The following TRAPPC9 variants were observed in gnomAD, a reference collection of about 807,000 sequenced individuals.
TRAPPC9 encodes the protein trafficking protein particle complex subunit 9, also known as IKK2 binding protein.
A neutral mutation model predicts 124.0 loss-of-function variants in TRAPPC9; 83 were observed. That is an observed-to-expected ratio of 0.67 (90% CI 0.56 to 0.80). The LOEUF is 0.80. Among genes scored for constraint, TRAPPC9 ranks in the 30% least tolerant of loss-of-function variants. The pLI is 0.00. For missense variants in TRAPPC9, 1,302 were observed against 1,508.3 expected (o/e 0.86, Z 2.27); for synonymous variants, 638 against 617.5 (o/e 1.03, Z -0.49).
In TRAPPC9 at chr8:140,418,770, A is replaced by G. The variant is rs566335855; in HGVS notation, c.886+7845T>C. Among the ~76,000 whole-genome samples the G allele has an allele frequency of 2.0e-3, 297 of 150,046 alleles. 1 individual carries two copies. The highest frequency in any genetic ancestry group is 6.4e-3 in the African/African-American group (262 of 40,644). On this transcript the variant is annotated intron_variant, in intron 5 of 22. Coordinates refer to ENST00000438773, the MANE Select transcript of TRAPPC9 (RefSeq NM_001160372.4). ...GATAGATAGATAGATAGATAGATAG[A>G]TAGACAGACAGACAGACAGATGCAA...
intron 17 of TRAPPC9, among the ~76,000 whole-genome samples, chr8:140,034,124 T>C (rs772347943): frequency 6.6e-6 from 1 of 152,224 alleles, no homozygotes; most frequent in Non-Finnish European, 1.5e-5. Flanking sequence ...AGAATTAATT[T>C]TTGGCTTTGT....
At chr8:139,930,354 G>A (rs916881839) in intron 19 of TRAPPC9, among the ~76,000 whole-genome samples, 2 of 152,228 alleles carry the variant, frequency 1.3e-5, no homozygotes, top group African/African-American at 4.8e-5. Context: ...GGCAAGGCCA[G>A]CGCGCTCACA....
intron 17 of TRAPPC9, among the ~76,000 whole-genome samples, chr8:140,220,162 A>C (rs2063302603): frequency 6.6e-6 from 1 of 152,236 alleles, no homozygotes; most frequent in Non-Finnish European, 1.5e-5. Context: ...AACAAGAAGA[A>C]CAGCAACACG....
At chr8:139,914,605 C>T (rs1329381234) in intron 19 of TRAPPC9, among the ~76,000 whole-genome samples, 1 of 152,172 alleles carries the variant, frequency 6.6e-6, no homozygotes, top group African/African-American at 2.4e-5. Flanking sequence ...TCAGTGCCAC[C>T]CGCACCTAAC....
chr8:140,341,574 T>C (rs1196340391), intron 9 of TRAPPC9, among the ~76,000 whole-genome samples: 2 of 152,140 alleles, frequency 1.3e-5, no homozygotes, highest in African/African-American at 2.4e-5. Context: ...CAAAGGCTGT[T>C]CTCCTCAGTT....
At chr8:140,115,099 T>C (rs568979978) in intron 17 of TRAPPC9, among the ~76,000 whole-genome samples, 8 of 152,224 alleles carry the variant, frequency 5.3e-5, no homozygotes, top group African/African-American at 1.4e-4. Context: ...CCATGGGGAA[T>C]TGGCTCCAGG....
At chr8:140,221,344 C>G in intron 17 of TRAPPC9, 115 bp downstream of exon 17, 1 of 1,467,278 alleles carries the variant, frequency 6.8e-7, no homozygotes, top group South Asian at 1.1e-5. Context: ...AAGAATCCAG[C>G]TTTCAAATAC....
intron 16 of TRAPPC9, among the ~76,000 whole-genome samples, chr8:140,234,152 C>T (rs1022643125): frequency 2.0e-5 from 3 of 152,202 alleles, no homozygotes; most frequent in African/African-American, 7.2e-5. Flanking sequence ...TCAGCAGAGG[C>T]ATTAGATTCT....
At chr8:140,249,543 G>A (rs1050416032) in intron 16 of TRAPPC9, among the ~76,000 whole-genome samples, 32 of 143,894 alleles carry the variant, frequency 2.2e-4, no homozygotes, top group Non-Finnish European at 4.8e-4. Context: ...CATTCACACT[G>A]TATTTTTTTT....
At chr8:140,358,715 C>T (rs1046103576) in intron 9 of TRAPPC9, among the ~76,000 whole-genome samples, 1 of 152,144 alleles carries the variant, frequency 6.6e-6, no homozygotes, top group Non-Finnish European at 1.5e-5. Flanking sequence ...GGAGTGGGGT[C>T]GCCACCTGGA....
rs539205025 is a variant in TRAPPC9 at position 140,024,222 on chromosome 8, C to A, written c.2557-143G>T. On this transcript the variant is annotated intron_variant, in intron 17 of 22. Coordinates refer to ENST00000438773, the MANE Select transcript of TRAPPC9 (RefSeq NM_001160372.4). The stretch of plus-strand genomic sequence containing the variant: ...GTCATCAGCATTGGCCGACTCACAA[C>A]CCCGGCGGGTACCGACTCACACCCC... 58 of 1,082,236 alleles carry A rather than the reference C, an allele frequency of 5.4e-5. No homozygotes were observed. In the African/African-American group the frequency reaches 7.6e-4, roughly 14 times the overall value. The allele number at this position is 1,082,236 out of a possible 1,614,324, so 67.0% of individuals were successfully genotyped here. A position where few individuals can be genotyped will look rare whatever the true frequency, so the allele number is the denominator to read the frequency against.
chr8:139,760,366 G>T (rs1466598219), intron 21 of TRAPPC9, among the ~76,000 whole-genome samples: 1 of 152,116 alleles, frequency 6.6e-6, no homozygotes, highest in Non-Finnish European at 1.5e-5. Context: ...GCCAAGATGC[G>T]CTCTGCTTGG....
At chr8:139,772,682 C>G (rs1460101493) in intron 21 of TRAPPC9, among the ~76,000 whole-genome samples, 3 of 152,238 alleles carry the variant, frequency 2.0e-5, no homozygotes, top group African/African-American at 7.2e-5. Context: ...TAAATGTCTA[C>G]TAACATATAC....
chr8:140,273,657 A>G (rs1440729018), intron 15 of TRAPPC9, among the ~76,000 whole-genome samples: 3 of 152,136 alleles, frequency 2.0e-5, no homozygotes, highest in African/African-American at 7.2e-5. Flanking sequence ...GCATCTGCCC[A>G]GGCCCCTCTG....
At chr8:140,408,241 T>A (rs1442831297) in intron 5 of TRAPPC9, among the ~76,000 whole-genome samples, 1 of 151,490 alleles carries the variant, frequency 6.6e-6, no homozygotes, top group Non-Finnish European at 1.5e-5. Flanking sequence ...AAGACCCAGA[T>A]GGGAGGAGAG....
At chr8:140,221,680 C>A (rs2063342133) in intron 16 of TRAPPC9, 97 bp from the exon 17 acceptor site, 6 of 1,472,156 alleles carry the variant, frequency 4.1e-6, no homozygotes, top group Non-Finnish European at 4.6e-6. Flanking sequence ...CTCTGTCGCA[C>A]AAGCTGGAGT....
chr8:140,373,357 A>C (rs555447990), intron 7 of TRAPPC9, among the ~76,000 whole-genome samples: 10 of 152,370 alleles, frequency 6.6e-5, no homozygotes, highest in African/African-American at 2.2e-4. Context: ...GCCGGGGCAC[A>C]CAGGCTCTCT....
At chr8:139,827,638 A>G (rs1294410362) in intron 21 of TRAPPC9, among the ~76,000 whole-genome samples, 3 of 152,216 alleles carry the variant, frequency 2.0e-5, no homozygotes. Flanking sequence ...CACGTGACTG[A>G]TAAGTGAATG....
chr8:140,402,453 G>C (rs1588288707), intron 6 of TRAPPC9, among the ~76,000 whole-genome samples: 1 of 148,992 alleles, frequency 6.7e-6, no homozygotes, highest in African/African-American at 2.5e-5. Flanking sequence ...CAGCACTTTG[G>C]GAGGCCCGAA....
Sources: allele counts gnomAD v4.1 joint callset (sites outside exome capture counted in the v4.1 genomes callset), GRCh38; gene constraint gnomAD v4.1.1; transcripts MANE v1.5; gene names NCBI Gene and HGNC (gene_info 2026-07-23, HGNC 2026-07-21).